Variants in POC1B observed in about 807,000 individuals in gnomAD.
POC1B encodes the protein POC1 centriolar protein B, also known as POC1 centriolar protein homolog B.
A neutral mutation model predicts 60.6 loss-of-function variants in POC1B; 44 were observed. The observed-to-expected ratio is 0.73, with a 90% confidence interval of 0.57 to 0.93. POC1B has a LOEUF of 0.93. Among genes scored for constraint, POC1B ranks in the 40% least tolerant of loss-of-function variants. POC1B has a pLI of 0.00. For synonymous variants in POC1B, 180 were observed against 198.9 expected, an observed-to-expected ratio of 0.90 and a Z score of 0.80; for missense variants, 555 against 572.3, an observed-to-expected ratio of 0.97 and a Z score of 0.31.
chr12:89,414,016 C>T, the POC1B span, among the ~76,000 whole-genome samples: 1 of 152,174 alleles, frequency 6.6e-6, no homozygotes, highest in African/African-American at 2.4e-5. Context: ...CTGAGCCTCC[C>T]AGGTAGCTGG....
chr12:89,404,994 T>C, the POC1B span, among the ~76,000 whole-genome samples: 1 of 152,186 alleles, frequency 6.6e-6, no homozygotes, highest in Non-Finnish European at 1.5e-5. Flanking sequence ...TGGCAACCCA[T>C]GGTGAGCACT....
At chr12:89,472,690 T>C (rs1565739908) in intron 4 of POC1B, 1 of 153,820 alleles carries the variant, frequency 6.5e-6, no homozygotes, top group Non-Finnish European at 1.4e-5. Flanking sequence ...CCGACCAAGC[T>C]TGCAGTGAAA....
chr12:89,497,346 T>C lies in POC1B; in HGVS notation c.101-4A>G, dbSNP rs1869308585. 1.9e-6 allele frequency: 3 copies of C among 1,609,470 alleles called. No homozygotes were observed. The highest frequency in any genetic ancestry group is 1.7e-5 in the Admixed American group (1 of 59,738). Reference sequence around the variant, plus strand: ...AAGGTATCCCAAGAAGCAGTAGCTATCAAGAAATAGAAGAACAAAACCACT... The same window carrying C: ...AAGGTATCCCAAGAAGCAGTAGCTACCAAGAAATAGAAGAACAAAACCACT... On this transcript the variant is annotated splice_region_variant and splice_polypyrimidine_tract_variant and intron_variant, in intron 2 of 11. Coordinates refer to ENST00000313546, the MANE Select transcript of POC1B (RefSeq NM_172240.3).
At chr12:89,470,259 G>T in intron 7 of POC1B, 102 bp downstream of exon 7, 3 of 690,112 alleles carry the variant, frequency 4.3e-6, no homozygotes, top group Non-Finnish European at 3.8e-6. Flanking sequence ...TGTGTGCTAT[G>T]TCTGGAAAAA....
intron 4 of POC1B, among the ~76,000 whole-genome samples, chr12:89,474,831 G>C (rs912793815): frequency 1.3e-5 from 2 of 152,190 alleles, no homozygotes; most frequent in Non-Finnish European, 1.5e-5. Context: ...CCACGAGGCA[G>C]TGCTGTTAGG....
chr12:89,447,796 A>C (rs534398366), intron 10 of POC1B, among the ~76,000 whole-genome samples: 1 of 152,114 alleles, frequency 6.6e-6, no homozygotes, highest in African/African-American at 2.4e-5. Flanking sequence ...TAAAGCTTCA[A>C]GCAGAAGTGT....
intron 4 of POC1B, among the ~76,000 whole-genome samples, chr12:89,476,187 A>G (rs812190): frequency 0.99 from 150,278 of 152,148 alleles, 74,249 homozygotes; most frequent in East Asian, 1. Flanking sequence ...AATTACAGGC[A>G]TGATCCACTG....
rs201411448 is a variant in POC1B at position 89,521,098 on chromosome 12, A to ATTTTTT, written c.100+4021_100+4022insAAAAAA. 13 of 113,250 alleles carry ATTTTTT rather than the reference A, an allele frequency of 1.1e-4. 3 individuals carry two copies. The highest frequency in any genetic ancestry group is 1.8e-4 in the Non-Finnish European group (10 of 55,070). 7.0% of individuals were successfully genotyped at this position (113,250 alleles called of 1,614,324 possible). A position where few individuals can be genotyped will look rare whatever the true frequency, so the allele number is the denominator to read the frequency against. On this transcript the variant is annotated intron_variant, in intron 2 of 11. Coordinates refer to ENST00000313546, the MANE Select transcript of POC1B (RefSeq NM_172240.3). ...CACTTCAGGTGAGTTCAGCTCACTTATTTTATTATTATTTTTTTTTTTTGA... is the reference window on the plus strand; with the variant it reads ...CACTTCAGGTGAGTTCAGCTCACTTATTTTTTTTTTATTATTATTTTTTTTTTTTGA...
chr12:89,414,053 G>A, the POC1B span, among the ~76,000 whole-genome samples: 22 of 151,892 alleles, frequency 1.4e-4, no homozygotes, highest in Non-Finnish European at 2.2e-4. Flanking sequence ...CATCATGCCC[G>A]GCTAATTTTT....
rs1430746855 is a variant in POC1B at position 89,525,322 on chromosome 12, T to C, written c.16-118A>G. 17 of 1,451,774 alleles carry C rather than the reference T, an allele frequency of 1.2e-5. No individual in the cohort carries two copies. In the Admixed American group the frequency reaches 4.1e-4, roughly 35 times the overall value. The allele number at this position is 1,451,774 out of a possible 1,614,324, so 89.9% of individuals were successfully genotyped here. A position where few individuals can be genotyped will look rare whatever the true frequency, so the allele number is the denominator to read the frequency against. On this transcript the variant is annotated intron_variant, in intron 1 of 11. Transcript: ENST00000313546. The stretch of plus-strand genomic sequence containing the variant: ...TGGGAATGGCCACCCAGGCGGCGGC[T>C]TGGCTGGGCGGCGGGGCCGGGCAGC...
chr12:89,461,584 A>G (rs968826096), intron 9 of POC1B: 1 of 152,236 alleles, frequency 6.6e-6, no homozygotes, highest in Non-Finnish European at 1.5e-5. Context: ...AGACTTGGCC[A>G]GTGATAAGAG....
rs1195092322 is a variant in POC1B, at chr12:89,501,236, A to C, written c.101-3894T>G. ...GTAGAGACATCTCAGCCCTCTGATA[A>C]AACAGTACTGGATACAAGTTATGCT... On this transcript the variant is annotated intron_variant, in intron 2 of 11. Transcript: ENST00000313546. The C allele has an allele frequency of 2.3e-6, 3 of 1,299,488 alleles. No individual in the cohort carries two copies. The Admixed American group carries it at 5.0e-5, about 22-fold the overall frequency. 80.5% of individuals were successfully genotyped at this position (1,299,488 alleles called of 1,614,324 possible). A position where few individuals can be genotyped will look rare whatever the true frequency, so the allele number is the denominator to read the frequency against.
intron 1 of POC1B, 111 bp from the exon 2 acceptor site, chr12:89,525,315 C>A: frequency 6.8e-7 from 1 of 1,459,910 alleles, no homozygotes. Flanking sequence ...GCCACCCAGG[C>A]GGCGGCTTGG....
chr12:89,514,113 T>C (rs1870320595), intron 2 of POC1B, among the ~76,000 whole-genome samples: 2 of 152,126 alleles, frequency 1.3e-5, no homozygotes, highest in South Asian at 4.2e-4. Context: ...TCCCCAGTGT[T>C]GGAGGAGGGG....
intron 2 of POC1B, among the ~76,000 whole-genome samples, chr12:89,503,314 G>A (rs964085940): frequency 3.3e-5 from 5 of 152,232 alleles, no homozygotes; most frequent in Non-Finnish European, 5.9e-5. Context: ...ACGGGGTTTC[G>A]CTGTGTTGGC....
At chr12:89,445,503 G>A (rs376804717) in intron 10 of POC1B, among the ~76,000 whole-genome samples, 1 of 152,062 alleles carries the variant, frequency 6.6e-6, no homozygotes, top group Non-Finnish European at 1.5e-5. Context: ...ACAAGAAATG[G>A]GGAAAGGATT....
chr12:89,488,794 G>C (rs1338101036), intron 4 of POC1B, among the ~76,000 whole-genome samples: 1 of 152,060 alleles, frequency 6.6e-6, no homozygotes, highest in Non-Finnish European at 1.5e-5. Flanking sequence ...GCCAATAGCA[G>C]CTATTATTAT....
At chr12:89,515,035 GC>G (rs1870381936) in intron 2 of POC1B, among the ~76,000 whole-genome samples, 1 of 151,964 alleles carries the variant, frequency 6.6e-6, no homozygotes, top group Non-Finnish European at 1.5e-5. Context: ...TCTTGACTCT[GC>G]TTGGGGACAC....
At chr12:89,415,505 T>C (rs953807958), downstream of POC1B, among the ~76,000 whole-genome samples, 4 of 152,096 alleles carry the variant, frequency 2.6e-5, no homozygotes, top group Non-Finnish European at 5.9e-5. Flanking sequence ...TAGCCGGGCG[T>C]GGTAGCGGGT....
Sources: allele counts gnomAD v4.1 joint callset (sites outside exome capture counted in the v4.1 genomes callset), GRCh38; gene constraint gnomAD v4.1.1; transcripts MANE v1.5; gene names NCBI Gene and HGNC (gene_info 2026-07-23, HGNC 2026-07-21).